Variants in RCC1 observed in about 807,000 individuals in gnomAD.
The protein encoded by RCC1 is regulator of chromosome condensation.
In RCC1, 11 loss-of-function variants were observed where a neutral mutation model predicts 44.4. That is an observed-to-expected ratio of 0.25 (90% CI 0.16 to 0.41). The LOEUF is 0.41. Among genes scored for constraint, RCC1 ranks in the 10% least tolerant of loss-of-function variants. The pLI is 1.00. For missense variants in RCC1, 386 were observed against 547.1 expected, an observed-to-expected ratio of 0.71 and a Z score of 2.94; for synonymous variants, 213 against 216.5, an observed-to-expected ratio of 0.98 and a Z score of 0.14.
intron 4 of RCC1, among the ~76,000 whole-genome samples, chr1:28,523,315 G>T (rs1043441353): frequency 2.0e-5 from 3 of 152,030 alleles, no homozygotes; most frequent in Non-Finnish European, 4.4e-5. Context: ...CACCGCGCCC[G>T]GCCAGAAGAA....
intron 1 of RCC1, chr1:28,507,199 G>A: frequency 2.7e-6 from 1 of 374,416 alleles, no homozygotes; most frequent in Non-Finnish European, 5.3e-6. Context: ...AAAGTAATTA[G>A]AATAGCTGAA....
At chr1:28,525,394 T>G (rs1023183631) in intron 4 of RCC1, among the ~76,000 whole-genome samples, 49 of 152,296 alleles carry the variant, frequency 3.2e-4, no homozygotes, top group African/African-American at 1.1e-3. Context: ...AGTAAAGCAC[T>G]ATAAATATTT....
chr1:28,525,234 C>G (rs531732353), intron 4 of RCC1, among the ~76,000 whole-genome samples: 2 of 152,234 alleles, frequency 1.3e-5, no homozygotes, highest in South Asian at 4.1e-4. Context: ...GATAACATAA[C>G]CGGTTAGGTC....
In RCC1 at chr1:28,538,214, G is replaced by A; in HGVS notation, c.*207G>A. On this transcript the variant is annotated 3_prime_UTR_variant, in exon 13 of 13. Coordinates refer to ENST00000683442, the MANE Select transcript of RCC1 (RefSeq NM_001381865.2). ...CTGGGACCTACAGAATAAAGGGGGG[G>A]ATGGACAGGGGGTTTTCAAAAGGAA... 1 of 488,564 alleles carries A rather than the reference G, an allele frequency of 2.0e-6. No individual in the cohort carries two copies. Among genetic ancestry groups the A allele is most frequent in the Non-Finnish European group, 3.6e-6 (1 of 277,238 alleles). 30.3% of individuals were successfully genotyped at this position (488,564 alleles called of 1,614,324 possible).
At chr1:28,512,808 T>C (rs1323013614) in intron 3 of RCC1, among the ~76,000 whole-genome samples, 2 of 152,098 alleles carry the variant, frequency 1.3e-5, no homozygotes, top group East Asian at 3.8e-4. Flanking sequence ...TCCTTGCTAG[T>C]TTCTTTTTTT....
chr1:28,507,155 C>G, intron 1 of RCC1: 2 of 292,144 alleles, frequency 6.8e-6, no homozygotes, highest in South Asian at 5.9e-5. Context: ...TTTGCTTCTG[C>G]GGTACCTTCC....
At chr1:28,522,448 A>G (rs984026865) in intron 4 of RCC1, among the ~76,000 whole-genome samples, 1 of 152,160 alleles carries the variant, frequency 6.6e-6, no homozygotes, top group African/African-American at 2.4e-5. Flanking sequence ...TTTATCTTCC[A>G]GGAAAAGGGG....
intron 4 of RCC1, chr1:28,526,361 T>C (rs1423714725): frequency 2.6e-6 from 1 of 377,752 alleles, no homozygotes; most frequent in Non-Finnish European, 5.1e-6. Flanking sequence ...AGAGACCTCT[T>C]AGTGCAAGAC....
Position 28,538,209 on chromosome 1 carries a change from G to C in RCC1, c.*202G>C, listed in dbSNP as rs965810321. ...TTTTCCTGGGACCTACAGAATAAAG[G>C]GGGGGATGGACAGGGGGTTTTCAAA... On this transcript the variant is annotated 3_prime_UTR_variant, in exon 13 of 13. Coordinates refer to ENST00000683442, the MANE Select transcript of RCC1 (RefSeq NM_001381865.2). 22 of 509,652 alleles carry C rather than the reference G, an allele frequency of 4.3e-5. No individual in the cohort carries two copies. Among genetic ancestry groups the C allele is most frequent in the East Asian group, 2.0e-4 (6 of 30,632 alleles). 31.6% of individuals were successfully genotyped at this position (509,652 alleles called of 1,614,324 possible).
intron 12 of RCC1, among the ~76,000 whole-genome samples, chr1:28,537,119 G>A (rs1427613537): frequency 6.6e-6 from 1 of 152,126 alleles, no homozygotes; most frequent in African/African-American, 2.4e-5. Flanking sequence ...ATGCAGAGGA[G>A]AGAAATAGCA....
chr1:28,535,145 A>G lies in RCC1; in HGVS notation c.537A>G (p.Ser179=), dbSNP rs1664464131. 2 of 1,614,138 alleles carry G rather than the reference A, an allele frequency of 1.2e-6. No homozygotes were observed. Among genetic ancestry groups the G allele is most frequent in the Non-Finnish European group, 1.7e-6 (2 of 1,179,954 alleles). Residue 179 remains serine, a splice_region_variant and synonymous_variant, in exon 8 of 13, where the codon TCA becomes TCG. Coordinates refer to ENST00000683442, the MANE Select transcript of RCC1 (RefSeq NM_001381865.2). The part of the protein sequence containing the change: ...QLDVPVVKVA[S]GNDHLVMLTA... ...ATGTGCCTGTGGTAAAGGTGGCCTCAGGTGGGTCTGGGGGCACTTGCTCAG... is the reference window on the plus strand; with the variant it reads ...ATGTGCCTGTGGTAAAGGTGGCCTCGGGTGGGTCTGGGGGCACTTGCTCAG...
chr1:28,514,371 A>G (rs1429149770), intron 3 of RCC1, among the ~76,000 whole-genome samples: 3 of 150,660 alleles, frequency 2.0e-5, no homozygotes, highest in Non-Finnish European at 1.5e-5. Context: ...AATGGCATGA[A>G]CCCAGGAGGT....
chr1:28,535,528 GT>G, intron 9 of RCC1, 148 bp downstream of exon 9: 1 of 1,256,650 alleles, frequency 8.0e-7, no homozygotes, highest in Non-Finnish European at 1.1e-6. Context: ...TGCTCTGGTA[GT>G]TTTGCCACCT....
rs568921975 is a variant in RCC1, at chr1:28,538,988, T to C, written c.*981T>C. On this transcript the variant is annotated 3_prime_UTR_variant, in exon 13 of 13. Coordinates refer to ENST00000683442, the MANE Select transcript of RCC1 (RefSeq NM_001381865.2). ...TGAATAAATTTAGAGTTTTATAAAA[T>C]AGGCCACTTGTTTTCTACACATTCC... 1 of 152,334 alleles carries C rather than the reference T, an allele frequency of 6.6e-6. No homozygotes were observed. Among genetic ancestry groups the C allele is most frequent in the South Asian group, 2.1e-4 (1 of 4,828 alleles). The allele number at this position is 152,334 out of a possible 1,614,324, so 9.4% of individuals were successfully genotyped here.
intron 4 of RCC1, among the ~76,000 whole-genome samples, chr1:28,519,327 G>T (rs866676043): frequency 6.6e-6 from 1 of 152,116 alleles, no homozygotes; most frequent in African/African-American, 2.4e-5. Context: ...CAAGACTAAG[G>T]AACTCTGCGG....
At chr1:28,507,191 A>C in intron 1 of RCC1, 1 of 363,518 alleles carries the variant, frequency 2.8e-6, no homozygotes, top group Non-Finnish European at 5.5e-6. Flanking sequence ...CCTATTGTAA[A>C]GTAATTAGAA....
intron 3 of RCC1, among the ~76,000 whole-genome samples, chr1:28,511,371 C>T (rs1205946719): frequency 6.6e-6 from 1 of 151,664 alleles, no homozygotes; most frequent in Non-Finnish European, 1.5e-5. Context: ...TTCTCAGAAA[C>T]CAAGGATACA....
intron 3 of RCC1, chr1:28,509,121 G>T: frequency 3.0e-6 from 1 of 329,588 alleles, no homozygotes; most frequent in Non-Finnish European, 6.0e-6. Context: ...TCTTTTAAAA[G>T]TCGACCTGTT....
intron 3 of RCC1, among the ~76,000 whole-genome samples, chr1:28,511,169 A>G (rs1407936191): frequency 6.6e-6 from 1 of 152,072 alleles, no homozygotes; most frequent in African/African-American, 2.4e-5. Context: ...TGATCCCACC[A>G]CTTGCTGTTC....
Sources: allele counts gnomAD v4.1 joint callset (sites outside exome capture counted in the v4.1 genomes callset), GRCh38; gene constraint gnomAD v4.1.1; transcripts MANE v1.5; gene names NCBI Gene and HGNC (gene_info 2026-07-23, HGNC 2026-07-21).